Variants in ASTN2 observed in about 807,000 individuals in gnomAD.
The protein encoded by ASTN2 is astrotactin-2.
In ASTN2, 54 loss-of-function variants were observed where a neutral mutation model predicts 139.8. The observed-to-expected ratio is 0.39, with a 90% CI of 0.31 to 0.48. ASTN2 has a LOEUF of 0.48. Among genes scored for constraint, ASTN2 ranks in the 20% least tolerant of loss-of-function variants. The probability of loss-of-function intolerance (pLI) is 0.95; values close to 1 mark genes in which losing one functional copy is unlikely to be tolerated. For synonymous variants in ASTN2, 756 were observed against 719.5 expected (o/e 1.05, Z -0.81); for missense variants, 1,565 against 1,725.1 (o/e 0.91, Z 1.64).
chr9:116,829,722 C>A (rs1336699684), intron 11 of ASTN2, among the ~76,000 whole-genome samples: 1 of 152,138 alleles, frequency 6.6e-6, no homozygotes, highest in Admixed American at 6.5e-5. Flanking sequence ...TCCTACCAAG[C>A]CCCTCCTCCA....
intron 19 of ASTN2, chr9:116,562,375 T>A (rs1007626211): frequency 2.0e-5 from 3 of 147,388 alleles, no homozygotes; most frequent in African/African-American, 7.6e-5. Context: ...TCCACTGGAC[T>A]AATGTTCTCC....
chr9:116,487,335 C>T (rs1220841860), intron 20 of ASTN2, 24 bp downstream of exon 20: 1 of 1,610,688 alleles, frequency 6.2e-7, no homozygotes, highest in African/African-American at 1.3e-5. Context: ...GCCTCATGAT[C>T]CCCACACACC....
intron 5 of ASTN2, among the ~76,000 whole-genome samples, chr9:117,079,363 T>C (rs1828364871): frequency 6.6e-6 from 1 of 151,228 alleles, no homozygotes; most frequent in South Asian, 2.1e-4. Context: ...CGAGAGAGAG[T>C]GAGAGAGAGA....
chr9:116,923,461 GA>G (rs1381109549), intron 10 of ASTN2, among the ~76,000 whole-genome samples: 3 of 152,322 alleles, frequency 2.0e-5, no homozygotes, highest in African/African-American at 7.2e-5. Flanking sequence ...AGTTGTCCTG[GA>G]AAAACCAGAC....
chr9:117,383,271 A>G (rs1169237772), intron 1 of ASTN2, among the ~76,000 whole-genome samples: 1 of 152,040 alleles, frequency 6.6e-6, no homozygotes, highest in Non-Finnish European at 1.5e-5. Context: ...TAGTTTGCTG[A>G]CTCCTGTACT....
intron 10 of ASTN2, among the ~76,000 whole-genome samples, chr9:116,876,548 A>G (rs1833304697): frequency 6.6e-6 from 1 of 152,188 alleles, no homozygotes; most frequent in Non-Finnish European, 1.5e-5. Context: ...CTACAGCAAA[A>G]TCTTTTGTGA....
At chr9:116,798,059 C>T (rs1387530898) in intron 13 of ASTN2, among the ~76,000 whole-genome samples, 1 of 152,140 alleles carries the variant, frequency 6.6e-6, no homozygotes, top group Non-Finnish European at 1.5e-5. Flanking sequence ...TCACTTGAGG[C>T]CAGGAGTTCA....
intron 1 of ASTN2, among the ~76,000 whole-genome samples, chr9:117,292,391 C>A (rs1404596053): frequency 6.6e-6 from 1 of 152,102 alleles, no homozygotes; most frequent in Non-Finnish European, 1.5e-5. Flanking sequence ...AGTGTCATTG[C>A]AAGGGGATTG....
At chr9:116,938,270 T>C (rs539526144) in intron 10 of ASTN2, among the ~76,000 whole-genome samples, 2 of 152,258 alleles carry the variant, frequency 1.3e-5, no homozygotes, top group East Asian at 1.9e-4. Flanking sequence ...TAGAGAAGGA[T>C]GCTAATACAA....
At chr9:116,640,365 T>C (rs1035067584) in intron 17 of ASTN2, among the ~76,000 whole-genome samples, 1 of 151,940 alleles carries the variant, frequency 6.6e-6, no homozygotes, top group African/African-American at 2.4e-5. Context: ...AAAATAAAAG[T>C]ATAATTAGAA....
chr9:116,501,423 C>T (rs1429685051), intron 19 of ASTN2, among the ~76,000 whole-genome samples: 1 of 152,150 alleles, frequency 6.6e-6, no homozygotes, highest in African/African-American at 2.4e-5. Flanking sequence ...CCGCAATAAA[C>T]ATACGTGTGC....
chr9:117,044,476 T>A (rs1838675438), intron 5 of ASTN2, among the ~76,000 whole-genome samples: 1 of 152,094 alleles, frequency 6.6e-6, no homozygotes. Context: ...AACTTCACAG[T>A]GGGACTCAAA....
chr9:116,748,324 C>T (rs1829304237), intron 13 of ASTN2, among the ~76,000 whole-genome samples: 1 of 152,174 alleles, frequency 6.6e-6, no homozygotes, highest in Non-Finnish European at 1.5e-5. Context: ...CAGCTGAGCT[C>T]CTTGATGAGG....
At chr9:116,658,088 T>G (rs1342725204) in intron 16 of ASTN2, among the ~76,000 whole-genome samples, 6 of 151,688 alleles carry the variant, frequency 4.0e-5, no homozygotes, top group Non-Finnish European at 7.4e-5. Flanking sequence ...AGGAAGTTTG[T>G]TTTTTGTTTT....
intron 5 of ASTN2, among the ~76,000 whole-genome samples, chr9:117,046,595 C>G (rs1236253391): frequency 1.3e-5 from 2 of 152,144 alleles, no homozygotes; most frequent in African/African-American, 4.8e-5. Context: ...TGGGCATCAG[C>G]AGGATATGTG....
intron 4 of ASTN2, among the ~76,000 whole-genome samples, chr9:117,121,169 G>A (rs12338783): frequency 0.14 from 20,966 of 152,194 alleles, 1,569 homozygotes; most frequent in East Asian, 0.2. Flanking sequence ...ACCCTCTGTC[G>A]TTACATAATC....
intron 13 of ASTN2, 37 bp from the exon 14 acceptor site, chr9:116,733,560 A>C: frequency 6.2e-7 from 1 of 1,613,530 alleles, no homozygotes; most frequent in Non-Finnish European, 8.5e-7. Context: ...AAATCGAGGA[A>C]GTGGAGACTG....
chr9:117,013,356 A>T (rs1420216244), intron 6 of ASTN2, among the ~76,000 whole-genome samples: 1 of 151,732 alleles, frequency 6.6e-6, no homozygotes, highest in Non-Finnish European at 1.5e-5. Context: ...CACTTTACTG[A>T]CTGTTCTGAG....
intron 2 of ASTN2, among the ~76,000 whole-genome samples, chr9:117,247,876 C>G (rs948977092): frequency 6.6e-6 from 1 of 152,192 alleles, no homozygotes; most frequent in African/African-American, 2.4e-5. Context: ...CATATATGTG[C>G]CTGTTAGTAG....
Sources: allele counts gnomAD v4.1 joint callset (sites outside exome capture counted in the v4.1 genomes callset), GRCh38; gene constraint gnomAD v4.1.1; transcripts MANE v1.5; gene names NCBI Gene and HGNC (gene_info 2026-07-23, HGNC 2026-07-21).